Variants in CLXN observed in about 807,000 individuals in gnomAD.
CLXN encodes EF-hand calcium binding domain 1.
At chr8:48,731,473 T>A in the CLXN span, 1 of 1,611,802 alleles carries the variant, frequency 6.2e-7, no homozygotes, top group Non-Finnish European at 8.5e-7. Context: ...ATAAAAAAGC[T>A]TTATAAGACA....
At chr8:48,724,795 T>C in the CLXN span, 6 of 1,611,174 alleles carry the variant, frequency 3.7e-6, no homozygotes, top group Non-Finnish European at 5.1e-6. Flanking sequence ...TCAAATTCCA[T>C]CTGGCTCTGT....
At chr8:48,717,357 C>A in the CLXN span, among the ~76,000 whole-genome samples, 1 of 151,898 alleles carries the variant, frequency 6.6e-6, no homozygotes, top group South Asian at 2.1e-4. Flanking sequence ...ACCCTGTAGA[C>A]CAGGGAAGAG....
At chr8:48,731,529 A>G in the CLXN span, 2 of 1,561,178 alleles carry the variant, frequency 1.3e-6, no homozygotes, top group Non-Finnish European at 1.7e-6. Flanking sequence ...AGATATAACA[A>G]AAATGAACCC....
chr8:48,735,169 T>A, the CLXN span: 9 of 1,613,608 alleles, frequency 5.6e-6, no homozygotes, highest in Non-Finnish European at 7.6e-6. Flanking sequence ...GCTCAGAGAA[T>A]CGGGCCGCGG....
At chr8:48,718,884 C>G in the CLXN span, among the ~76,000 whole-genome samples, 1 of 151,898 alleles carries the variant, frequency 6.6e-6, no homozygotes, top group East Asian at 1.9e-4. Context: ...TAACTATACA[C>G]CTCAAAAAAC....
chr8:48,731,605 A>G, the CLXN span: 4 of 928,616 alleles, frequency 4.3e-6, no homozygotes, highest in Admixed American at 6.3e-5. Flanking sequence ...AAAGACATCA[A>G]ATAGGTAATT....
At chr8:48,726,850 C>T in the CLXN span, among the ~76,000 whole-genome samples, 2 of 142,882 alleles carry the variant, frequency 1.4e-5, no homozygotes, top group Admixed American at 1.4e-4. Context: ...TGCATCCACC[C>T]ATCTATCCAT....
chr8:48,721,352 G>T, the CLXN span, among the ~76,000 whole-genome samples: 3 of 151,228 alleles, frequency 2.0e-5, no homozygotes, highest in Admixed American at 6.5e-5. Flanking sequence ...TGAATTGGAA[G>T]AATTTATATT....
chr8:48,734,797 T>C, the CLXN span: 10 of 381,632 alleles, frequency 2.6e-5, no homozygotes, highest in African/African-American at 4.1e-5. Context: ...TCATTGAGGC[T>C]AACATCACAT....
chr8:48,721,525 G>A, the CLXN span, among the ~76,000 whole-genome samples: 1 of 152,138 alleles, frequency 6.6e-6, no homozygotes, highest in Non-Finnish European at 1.5e-5. Context: ...GAGGAACAAA[G>A]CTGAAGACGT....
chr8:48,726,870 A>AATCTATCTATCT, the CLXN span, among the ~76,000 whole-genome samples: 4,249 of 136,264 alleles, frequency 0.031, 72 homozygotes, highest in East Asian at 0.044. Context: ...TGCATCTATC[A>AATCTATCTATCT]ATCTATCTAT....
At chr8:48,731,772 C>T in the CLXN span, among the ~76,000 whole-genome samples, 2 of 152,120 alleles carry the variant, frequency 1.3e-5, no homozygotes, top group Admixed American at 1.3e-4. Flanking sequence ...GTGTCGGATT[C>T]TAAACTCTAC....
the CLXN span, among the ~76,000 whole-genome samples, chr8:48,727,253 T>G: frequency 6.9e-6 from 1 of 144,774 alleles, no homozygotes; most frequent in Non-Finnish European, 1.5e-5. Flanking sequence ...CATCCATCCA[T>G]CCATCTCTCA....
chr8:48,717,308 G>A, the CLXN span, among the ~76,000 whole-genome samples: 1 of 152,164 alleles, frequency 6.6e-6, no homozygotes, highest in East Asian at 1.9e-4. Context: ...CATATGTAAG[G>A]CAATGTGGAT....
chr8:48,725,569 C>T, the CLXN span, among the ~76,000 whole-genome samples: 7 of 152,168 alleles, frequency 4.6e-5, no homozygotes, highest in South Asian at 2.1e-4. Flanking sequence ...TTTAGGAAGC[C>T]GAGGCAAGCT....
the CLXN span, among the ~76,000 whole-genome samples, chr8:48,722,754 T>C: frequency 1.0e-5 from 1 of 97,156 alleles, no homozygotes; most frequent in African/African-American, 4.3e-5. Context: ...ATAGTGTCCC[T>C]GTCTCCCCAT....
chr8:48,728,756 A>G, the CLXN span, among the ~76,000 whole-genome samples: 6 of 152,224 alleles, frequency 3.9e-5, no homozygotes, highest in African/African-American at 1.4e-4. Context: ...TCACTGGAAA[A>G]TATGAGCCCT....
the CLXN span, chr8:48,724,451 T>A: frequency 4.1e-6 from 1 of 240,992 alleles, no homozygotes; most frequent in Non-Finnish European, 7.9e-6. Flanking sequence ...ATTCATTTAA[T>A]GAACCCAAAG....
chr8:48,728,949 G>C, the CLXN span: 226 of 788,748 alleles, frequency 2.9e-4, 1 homozygote, highest in Middle Eastern at 4.2e-3. Context: ...TTGGTGGACA[G>C]GATTTGTCTG....
Sources: gnomAD v4.1 joint callset for allele counts (sites outside exome capture counted in the v4.1 genomes callset) on GRCh38, gnomAD v4.1.1 for gene constraint, MANE v1.5 for transcripts, NCBI Gene and HGNC (gene_info 2026-07-23, HGNC 2026-07-21) for gene names.